Variants in TENM3 observed in about 807,000 individuals in gnomAD.
TENM3 encodes teneurin transmembrane protein 3, also known as teneurin-3.
TENM3 carries 63 observed loss-of-function variants against 255.1 expected under a neutral mutation model. The observed-to-expected ratio is 0.25, with a 90% CI of 0.20 to 0.30. TENM3 has a LOEUF of 0.30. Among genes scored for constraint, TENM3 ranks in the 10% least tolerant of loss-of-function variants. The probability of loss-of-function intolerance (pLI) is 1.00; values close to 1 mark genes in which losing one functional copy is unlikely to be tolerated. For synonymous variants in TENM3, 1,306 were observed against 1,322.3 expected, an observed-to-expected ratio of 0.99 and a Z score of 0.27; for missense variants, 2,929 against 3,461.1, an observed-to-expected ratio of 0.85 and a Z score of 3.86.
chr4:182,137,062 G>A, the TENM3 span, among the ~76,000 whole-genome samples: 1 of 152,018 alleles, frequency 6.6e-6, no homozygotes, highest in Non-Finnish European at 1.5e-5. Flanking sequence ...TGGATATGAT[G>A]TTTTTATTGG....
At chr4:181,929,245 A>C in the TENM3 span, among the ~76,000 whole-genome samples, 1 of 152,152 alleles carries the variant, frequency 6.6e-6, no homozygotes, top group Non-Finnish European at 1.5e-5. Flanking sequence ...AATTGAATAG[A>C]GTCAAGACCC....
At chr4:182,328,986 C>T (rs1763591088) in intron 2 of TENM3, among the ~76,000 whole-genome samples, 1 of 152,132 alleles carries the variant, frequency 6.6e-6, no homozygotes, top group Non-Finnish European at 1.5e-5. Flanking sequence ...GCTAGACCTG[C>T]CCCTTACCAA....
At chr4:181,616,820 T>C in the TENM3 span, among the ~76,000 whole-genome samples, 171 of 152,302 alleles carry the variant, frequency 1.1e-3, no homozygotes, top group African/African-American at 3.9e-3. Context: ...GTTCTACGTG[T>C]GTGCTCAGCT....
rs546720162 is a variant in TENM3 at position 182,521,967 on chromosome 4, A to C, written c.512-78957A>C. Reference sequence around the variant, plus strand: ...TCTAGAAAAATCATTCAGAAAAGAGACTTATATGACGTTCTAACTCAGATT... The same window carrying C: ...TCTAGAAAAATCATTCAGAAAAGAGCCTTATATGACGTTCTAACTCAGATT... On this transcript the variant is annotated intron_variant, in intron 3 of 27. Transcript: ENST00000511685. Among the ~76,000 whole-genome samples the C allele has an allele frequency of 1.5e-3, 223 of 152,304 alleles. 1 individual carries two copies. The highest frequency in any genetic ancestry group is 5.1e-3 in the African/African-American group (214 of 41,564).
intron 5 of TENM3, among the ~76,000 whole-genome samples, chr4:182,632,980 A>T (rs547364811): frequency 6.6e-6 from 1 of 151,930 alleles, no homozygotes; most frequent in Non-Finnish European, 1.5e-5. Flanking sequence ...CACAGGCTGG[A>T]GTGCAACGAC....
At chr4:182,352,901 G>A (rs974060611) in intron 3 of TENM3, among the ~76,000 whole-genome samples, 2 of 152,032 alleles carry the variant, frequency 1.3e-5, no homozygotes, top group African/African-American at 4.8e-5. Flanking sequence ...ATGTTATCTG[G>A]AAAGGAGGGC....
chr4:182,403,942 G>T (rs1455162798), intron 3 of TENM3, among the ~76,000 whole-genome samples: 1 of 152,172 alleles, frequency 6.6e-6, no homozygotes, highest in African/African-American at 2.4e-5. Flanking sequence ...GGCTGATCTT[G>T]AATTCCTCGT....
At chr4:181,726,580 G>A in the TENM3 span, among the ~76,000 whole-genome samples, 1 of 152,114 alleles carries the variant, frequency 6.6e-6, no homozygotes, top group Non-Finnish European at 1.5e-5. Context: ...AAAACTAACT[G>A]TTTTTCCTCT....
intron 1 of TENM3, among the ~76,000 whole-genome samples, chr4:182,164,962 A>G (rs1028457244): frequency 2.0e-5 from 3 of 152,170 alleles, no homozygotes; most frequent in African/African-American, 7.2e-5. Flanking sequence ...TGTCTTCAGT[A>G]CTTTTAACCA....
chr4:181,825,069 T>G, the TENM3 span, among the ~76,000 whole-genome samples: 1 of 152,186 alleles, frequency 6.6e-6, no homozygotes, highest in Non-Finnish European at 1.5e-5. Context: ...GTCATTAGCA[T>G]AAGCAACTAC....
At chr4:182,319,516 G>C (rs892825048) in intron 1 of TENM3, among the ~76,000 whole-genome samples, 50 of 152,282 alleles carry the variant, frequency 3.3e-4, no homozygotes, top group African/African-American at 1.1e-3. Flanking sequence ...ATCTTTGATG[G>C]CATAATCAAA....
chr4:181,665,806 T>C, the TENM3 span, among the ~76,000 whole-genome samples: 1 of 152,030 alleles, frequency 6.6e-6, no homozygotes, highest in East Asian at 1.9e-4. Context: ...TAAAAGCAAA[T>C]AATAATGTTC....
the TENM3 span, among the ~76,000 whole-genome samples, chr4:181,496,763 T>C: frequency 6.6e-6 from 1 of 152,200 alleles, no homozygotes; most frequent in Non-Finnish European, 1.5e-5. Context: ...GACCTCTAAG[T>C]GTTACCATTA....
rs148846737 is a variant in TENM3, at chr4:182,540,078, C to T, written c.512-60846C>T. 4.1e-3 allele frequency among the ~76,000 whole-genome samples: 626 copies of T among 152,312 alleles called. 5 individuals carry two copies. The highest frequency in any genetic ancestry group is 0.014 in the African/African-American group (592 of 41,572). ...GTGGGACACAATAAAGAATAGAAAA[C>T]GGTAAATCTAAGATTGACAAGAAAG... On this transcript the variant is annotated intron_variant, in intron 3 of 27. Coordinates refer to ENST00000511685, the MANE Select transcript of TENM3 (RefSeq NM_001080477.4).
chr4:181,459,898 G>A, the TENM3 span, among the ~76,000 whole-genome samples: 1 of 151,700 alleles, frequency 6.6e-6, no homozygotes, highest in Non-Finnish European at 1.5e-5. Flanking sequence ...AATCAATCTG[G>A]GAAAATTGAC....
the TENM3 span, among the ~76,000 whole-genome samples, chr4:181,792,762 A>G: frequency 6.6e-6 from 1 of 152,142 alleles, no homozygotes. Flanking sequence ...CTTGTTTTCA[A>G]AACCCTCCTT....
the TENM3 span, among the ~76,000 whole-genome samples, chr4:181,932,072 A>G: frequency 6.6e-6 from 1 of 152,178 alleles, no homozygotes; most frequent in African/African-American, 2.4e-5. Flanking sequence ...CCCTAGAAGA[A>G]AAACCTAGGC....
At chr4:181,605,416 C>A in the TENM3 span, among the ~76,000 whole-genome samples, 4 of 147,966 alleles carry the variant, frequency 2.7e-5, no homozygotes, top group Non-Finnish European at 4.4e-5. Context: ...GACGCTCCAG[C>A]CTGGGCAACA....
At chr4:181,526,021 C>T in the TENM3 span, among the ~76,000 whole-genome samples, 1 of 152,170 alleles carries the variant, frequency 6.6e-6, no homozygotes, top group African/African-American at 2.4e-5. Context: ...TCTAGAATCT[C>T]TCATTCAGCT....
Sources: gnomAD v4.1 joint callset for allele counts (sites outside exome capture counted in the v4.1 genomes callset) on GRCh38, gnomAD v4.1.1 for gene constraint, MANE v1.5 for transcripts, NCBI Gene and HGNC (gene_info 2026-07-23, HGNC 2026-07-21) for gene names.